Variants in SMARCA4 observed in about 807,000 individuals in gnomAD.
SMARCA4 encodes SWI/SNF-related matrix-associated actin-dependent regulator of chromatin subfamily A member 4.
Under a neutral mutation model 193.9 loss-of-function variants are expected in SMARCA4, and 31 were observed. The observed-to-expected ratio is 0.16, with a 90% CI of 0.12 to 0.22. The LOEUF (loss-of-function observed/expected upper bound fraction) is 0.22, where lower values mean the gene tolerates loss of function less well. Ranked by LOEUF, SMARCA4 falls within the 10% of genes least tolerant of loss-of-function variation. SMARCA4 has a pLI of 1.00. For synonymous variants in SMARCA4, 942 were observed against 933.1 expected (o/e 1.01, Z -0.17); for missense variants, 1,148 against 2,296.0 (o/e 0.50, Z 10.22).
At chr19:11,045,147 C>A (rs559196518) in intron 30 of SMARCA4, among the ~76,000 whole-genome samples, 1 of 152,020 alleles carries the variant, frequency 6.6e-6, no homozygotes, top group African/African-American at 2.4e-5. Flanking sequence ...GGTGAAACAC[C>A]GTCTCTACTA....
At chr19:10,988,053 C>T (rs1163029789) in intron 6 of SMARCA4, 129 bp downstream of exon 6, 14 of 893,898 alleles carry the variant, frequency 1.6e-5, no homozygotes, top group Admixed American at 8.4e-5. Flanking sequence ...TTGGCCTACA[C>T]CTCCTTCCTC....
chr19:10,994,602 G>A (rs2086855646), intron 8 of SMARCA4, among the ~76,000 whole-genome samples: 1 of 152,032 alleles, frequency 6.6e-6, no homozygotes, highest in Non-Finnish European at 1.5e-5. Context: ...ACAGGCATGA[G>A]CCACTGTGCC....
At chr19:10,991,123 G>T (rs371642290) in intron 7 of SMARCA4, 27 bp from the exon 8 acceptor site, 1 of 1,612,440 alleles carries the variant, frequency 6.2e-7, no homozygotes, top group Non-Finnish European at 8.5e-7. Flanking sequence ...TGTGCAGTGC[G>T]CGGGCTTGTC....
chr19:11,024,765 A>AG (rs1290183986), intron 21 of SMARCA4, among the ~76,000 whole-genome samples: 1 of 152,082 alleles, frequency 6.6e-6, no homozygotes, highest in Non-Finnish European at 1.5e-5. Flanking sequence ...TGTCTCCTGC[A>AG]GGGGCTGCTC....
At position 10,987,836 on chromosome 19, in the gene SMARCA4, C is replaced by CCA; in HGVS notation, c.1032_1033dup (p.Leu345HisfsTer67). 6.2e-7 allele frequency: 1 copy of CCA among 1,610,956 alleles called. No homozygotes were observed. The highest frequency in any genetic ancestry group is 8.5e-7 in the Non-Finnish European group (1 of 1,179,094). The stretch of plus-strand genomic sequence containing the variant: ...GCCGGCCCAGCCCGCGCCCATGGTG[C>CCA]CACTGCACCAGAAGCAGAGCCGCAT... On this transcript the variant is annotated frameshift_variant, in exon 6 of 35. Transcript: ENST00000344626. LOFTEE classifies it high-confidence loss of function. This position sits in a 1 kb window ranked among gnomAD's most constrained non-coding sequence, Gnocchi z 5.3.
chr19:11,000,071 C>CA (rs1267239272), intron 11 of SMARCA4, among the ~76,000 whole-genome samples: 1 of 151,538 alleles, frequency 6.6e-6, no homozygotes, highest in Non-Finnish European at 1.5e-5. Flanking sequence ...GCTAAAAATA[C>CA]AAAAAATTAG....
At chr19:11,039,260 A>G (rs2075436068) in intron 29 of SMARCA4, among the ~76,000 whole-genome samples, 1 of 152,174 alleles carries the variant, frequency 6.6e-6, no homozygotes, top group African/African-American at 2.4e-5. Context: ...AGGCTGAGTC[A>G]GGAGAATCAC....
Position 10,986,305 on chromosome 19 carries a change from G to A in SMARCA4, c.472G>A (p.Asp158Asn), listed in dbSNP as rs1386092080. ...AGGAGGTGCCCCGCTGGATGGTGCT[G>A]ACCCCCAGGCCTTGGGGCAGCAGAA... is the stretch of plus-strand genomic sequence containing the variant. ...GPGGAPLDGA[D>N]PQALGQQNRG... The change falls in exon 4 of 35, where the codon GAC (aspartate) becomes AAC (asparagine). Residue 158 changes from aspartate (D) to asparagine (N), a missense_variant. Coordinates refer to ENST00000344626, the MANE Select transcript of SMARCA4 (RefSeq NM_003072.5). This position sits in a 1 kb window ranked among gnomAD's most constrained non-coding sequence, Gnocchi z 6.7. The A allele has an allele frequency of 6.2e-7, 1 of 1,613,594 alleles. No homozygotes were observed. Among genetic ancestry groups the A allele is most frequent in the Non-Finnish European group, 8.5e-7 (1 of 1,179,994 alleles).
chr19:11,003,170 C>G lies in SMARCA4; in HGVS notation c.1943+11C>G, dbSNP rs2146100084. ...CGAGATGAACCCGGGGTGAGTTGGG[C>G]CTTGCATTCCAGATGCAGTGGGGAT... On this transcript the variant is annotated intron_variant, in intron 12 of 34. Transcript: ENST00000344626. 1 of 1,614,014 alleles carries G rather than the reference C, an allele frequency of 6.2e-7. No homozygotes were observed. Among genetic ancestry groups the G allele is most frequent in the Non-Finnish European group, 8.5e-7 (1 of 1,179,952 alleles).
intron 29 of SMARCA4, among the ~76,000 whole-genome samples, chr19:11,039,051 G>T (rs994124886): frequency 2.0e-5 from 3 of 151,162 alleles, no homozygotes; most frequent in African/African-American, 7.3e-5. Context: ...CAAGACCTTT[G>T]TCTCTATTAA....
At chr19:11,005,648 T>C (rs981165174) in intron 13 of SMARCA4, among the ~76,000 whole-genome samples, 6 of 152,216 alleles carry the variant, frequency 3.9e-5, no homozygotes, top group Middle Eastern at 3.2e-3. Flanking sequence ...GCTGTGGGCA[T>C]TGCTTCCTTC....
Position 11,002,431 on chromosome 19 carries a change from A to AC in SMARCA4, c.1813-596dup, listed in dbSNP as rs563171365. The stretch of plus-strand genomic sequence containing the variant: ...GAGGTGGAGCTTGCAGTGAGCCGAT[A>AC]CCGCACCACTGCACTCCAGCCTGGG... On this transcript the variant is annotated intron_variant, in intron 11 of 34. Transcript: ENST00000344626. Among the ~76,000 whole-genome samples the AC allele has an allele frequency of 3.5e-3, 527 of 152,234 alleles. 1 individual carries two copies. Among genetic ancestry groups the AC allele is most frequent in the African/African-American group, 0.012 (503 of 41,520 alleles).
chr19:10,967,620 T>C (rs1215835694), intron 1 of SMARCA4, among the ~76,000 whole-genome samples: 1 of 151,624 alleles, frequency 6.6e-6, no homozygotes, highest in Non-Finnish European at 1.5e-5. Context: ...GGAAGGGGGC[T>C]TTCTTTAGAA....
In SMARCA4 at chr19:11,002,844, G is replaced by A. The variant is rs17001076; in HGVS notation, c.1813-185G>A. The stretch of plus-strand genomic sequence containing the variant: ...AAAGAAGAAACAAGTGTCAGCCAAG[G>A]TTGATGGGTTATATATTTTTACTGG... On this transcript the variant is annotated intron_variant, in intron 11 of 34. Coordinates refer to ENST00000344626, the MANE Select transcript of SMARCA4 (RefSeq NM_003072.5). Among the ~76,000 whole-genome samples the A allele has an allele frequency of 0.06, 9,137 of 151,320 alleles. 309 individuals are homozygous for A. Among genetic ancestry groups the A allele is most frequent in the South Asian group, 0.11 (529 of 4,778 alleles).
chr19:10,965,433 T>G (rs1207036189), intron 1 of SMARCA4: 1 of 152,236 alleles, frequency 6.6e-6, no homozygotes. Context: ...AACAGCCTGG[T>G]GGGATGACAC....
chr19:10,966,618 G>A (rs2084241339), intron 1 of SMARCA4, among the ~76,000 whole-genome samples: 1 of 144,274 alleles, frequency 6.9e-6, no homozygotes, highest in Non-Finnish European at 1.5e-5. Flanking sequence ...TGGGCGCGGT[G>A]GCTCATGCCT....
At chr19:11,042,701 G>A (rs1044119423) in intron 30 of SMARCA4, among the ~76,000 whole-genome samples, 10 of 152,196 alleles carry the variant, frequency 6.6e-5, no homozygotes, top group East Asian at 1.9e-4. Context: ...AAATTACCGC[G>A]CAAGGCCAGC....
intron 34 of SMARCA4, among the ~76,000 whole-genome samples, chr19:11,061,474 C>T (rs986523824): frequency 3.9e-5 from 6 of 151,996 alleles, no homozygotes; most frequent in African/African-American, 9.7e-5. Flanking sequence ...CCCCCGGGAT[C>T]GCGCCATTCT....
intron 18 of SMARCA4, among the ~76,000 whole-genome samples, chr19:11,020,370 T>C (rs1299874228): frequency 6.6e-6 from 1 of 151,882 alleles, no homozygotes; most frequent in Admixed American, 6.6e-5. Context: ...CCCCTAAACA[T>C]CCAGCTGAGT....
Sources: allele counts gnomAD v4.1 joint callset (sites outside exome capture counted in the v4.1 genomes callset), GRCh38; gene constraint gnomAD v4.1.1; non-coding constraint Gnocchi (gnomAD v3.1); transcripts MANE v1.5; gene names NCBI Gene and HGNC (gene_info 2026-07-23, HGNC 2026-07-21).